The following WWOX variants were observed in gnomAD, a reference collection of about 807,000 sequenced individuals.
WWOX encodes the protein WW domain-containing oxidoreductase.
In WWOX, 69 loss-of-function variants were observed where a neutral mutation model predicts 46.2. The observed-to-expected ratio is 1.49, with a 90% confidence interval of 1.23 to 1.82. The LOEUF (loss-of-function observed/expected upper bound fraction) is 1.82. Among genes scored for constraint, WWOX ranks in the 40% most tolerant of loss-of-function variants. The pLI is 0.00. For synonymous variants in WWOX, 359 were observed against 202.6 expected (o/e 1.77, Z -6.56); for missense variants, 919 against 542.6 (o/e 1.69, Z -6.89).
intron 8 of WWOX, among the ~76,000 whole-genome samples, chr16:78,492,497 A>G (rs2084808230): frequency 6.6e-6 from 1 of 152,184 alleles, no homozygotes; most frequent in Admixed American, 6.5e-5. Context: ...AACGTACAGA[A>G]CACTCATTCA....
chr16:79,078,481 G>A (rs190988229), intron 8 of WWOX, among the ~76,000 whole-genome samples: 8 of 152,204 alleles, frequency 5.3e-5, no homozygotes, highest in Admixed American at 3.3e-4. Flanking sequence ...TGAATGCCAC[G>A]CAACATTTCT....
intron 4 of WWOX, among the ~76,000 whole-genome samples, chr16:78,152,117 GA>G (rs1343131800): frequency 6.6e-6 from 1 of 151,868 alleles, no homozygotes; most frequent in African/African-American, 2.4e-5. Flanking sequence ...GTGAACCCGG[GA>G]GGCGGAGCTT....
chr16:79,147,050 T>C (rs563480615), intron 8 of WWOX, among the ~76,000 whole-genome samples: 23 of 152,342 alleles, frequency 1.5e-4, no homozygotes, highest in African/African-American at 4.3e-4. Context: ...TGTTGACACT[T>C]ACAGAATCTA....
intron 8 of WWOX, among the ~76,000 whole-genome samples, chr16:78,620,271 A>G (rs1567442063): frequency 6.6e-6 from 1 of 152,236 alleles, no homozygotes; most frequent in South Asian, 2.1e-4. Context: ...GTTAAGGTAC[A>G]GAAGAGGATT....
At chr16:78,406,616 T>G (rs901888470) in intron 6 of WWOX, among the ~76,000 whole-genome samples, 20 of 149,342 alleles carry the variant, frequency 1.3e-4, no homozygotes, top group African/African-American at 5.0e-4. Flanking sequence ...TCCAAAGTGC[T>G]GGGATATACA....
chr16:78,862,344 C>G (rs1398415682), intron 8 of WWOX, among the ~76,000 whole-genome samples: 1 of 150,940 alleles, frequency 6.6e-6, no homozygotes, highest in East Asian at 1.9e-4. Flanking sequence ...ATTATATGTA[C>G]TAAATAATAT....
At chr16:78,467,985 G>C (rs893511797) in intron 8 of WWOX, among the ~76,000 whole-genome samples, 10 of 152,106 alleles carry the variant, frequency 6.6e-5, no homozygotes, top group Non-Finnish European at 1.3e-4. Context: ...GGGCAATCTT[G>C]GGGATGGGGG....
intron 8 of WWOX, among the ~76,000 whole-genome samples, chr16:79,023,165 A>C (rs563954869): frequency 1.3e-5 from 2 of 152,314 alleles, no homozygotes; most frequent in African/African-American, 4.8e-5. Flanking sequence ...ATATATGCAC[A>C]CACTTGACCT....
chr16:78,849,296 C>T (rs967906905), intron 8 of WWOX, among the ~76,000 whole-genome samples: 26 of 152,060 alleles, frequency 1.7e-4, no homozygotes, highest in African/African-American at 1.2e-4. Flanking sequence ...ACAGGCCGGG[C>T]GCGGTGGCTC....
chr16:78,896,379 G>C (rs1365693414), intron 8 of WWOX: 1 of 152,164 alleles, frequency 6.6e-6, no homozygotes, highest in Non-Finnish European at 1.5e-5. Flanking sequence ...TGGGACCACT[G>C]ATGGTAATAA....
intron 8 of WWOX, among the ~76,000 whole-genome samples, chr16:78,676,868 A>G (rs1441899699): frequency 1.3e-5 from 2 of 152,276 alleles, no homozygotes; most frequent in African/African-American, 4.8e-5. Flanking sequence ...GTATTGTTCC[A>G]TTTTTGAGTA....
At chr16:78,559,922 T>C (rs186459800) in intron 8 of WWOX, among the ~76,000 whole-genome samples, 2 of 152,332 alleles carry the variant, frequency 1.3e-5, no homozygotes, top group Admixed American at 1.3e-4. Flanking sequence ...GCAGAAAGCC[T>C]AGCTCCCCAG....
At chr16:78,714,630 C>G (rs1048479998) in intron 8 of WWOX, among the ~76,000 whole-genome samples, 3 of 152,136 alleles carry the variant, frequency 2.0e-5, no homozygotes, top group Non-Finnish European at 2.9e-5. Flanking sequence ...AGTGTGGAAG[C>G]AGAGTGTCCC....
intron 8 of WWOX, among the ~76,000 whole-genome samples, chr16:78,466,901 C>T (rs1047071218): frequency 2.0e-5 from 3 of 151,922 alleles, no homozygotes; most frequent in African/African-American, 4.8e-5. Context: ...ACAGTTGCAA[C>T]GTTGTAGCAT....
In WWOX at chr16:78,751,870, C is replaced by A. The variant is rs184417351; in HGVS notation, c.1056+319118C>A. Among the ~76,000 whole-genome samples the A allele has an allele frequency of 1.9e-3, 293 of 152,068 alleles. 2 individuals are homozygous for A. Among genetic ancestry groups the A allele is most frequent in the African/African-American group, 6.9e-3 (285 of 41,500 alleles). Reference sequence around the variant, plus strand: ...AGGGAAGGTAAGAAAGAAATTAATTCCCATTTTAGAGTAAGACTGGAGGCA... The same window carrying A: ...AGGGAAGGTAAGAAAGAAATTAATTACCATTTTAGAGTAAGACTGGAGGCA... On this transcript the variant is annotated intron_variant, in intron 8 of 8. Coordinates refer to ENST00000566780, the MANE Select transcript of WWOX (RefSeq NM_016373.4).
At chr16:78,533,200 CAG>C (rs912920335) in intron 8 of WWOX, among the ~76,000 whole-genome samples, 13 of 152,050 alleles carry the variant, frequency 8.5e-5, no homozygotes, top group Admixed American at 7.9e-4. Context: ...CAGTTGGGAA[CAG>C]AGTTGACGGA....
rs527794288 is a variant in WWOX, at chr16:78,762,845, G to A, written c.1056+330093G>A. Among the ~76,000 whole-genome samples, 14 of 152,236 alleles carry A rather than the reference G, an allele frequency of 9.2e-5. No individual in the cohort carries two copies. In the East Asian group the frequency reaches 2.3e-3, roughly 25 times the overall value. On this transcript the variant is annotated intron_variant, in intron 8 of 8. Transcript: ENST00000566780. ...AATCATAAAAGCACCTACTTGTTAA[G>A]GCATATTAAATGCAACGCTACTTTG...
intron 8 of WWOX, among the ~76,000 whole-genome samples, chr16:78,991,517 C>T (rs2046885942): frequency 6.8e-6 from 1 of 147,332 alleles, no homozygotes; most frequent in African/African-American, 2.5e-5. Context: ...GGGAAGATGG[C>T]TTGAGCCTGG....
intron 8 of WWOX, among the ~76,000 whole-genome samples, chr16:78,679,863 C>G (rs570051572): frequency 6.6e-6 from 1 of 152,192 alleles, no homozygotes; most frequent in Non-Finnish European, 1.5e-5. Context: ...TCATTGCTGC[C>G]GCATTTGCTT....
Sources: allele counts gnomAD v4.1 joint callset (sites outside exome capture counted in the v4.1 genomes callset), GRCh38; gene constraint gnomAD v4.1.1; transcripts MANE v1.5; gene names NCBI Gene and HGNC (gene_info 2026-07-23, HGNC 2026-07-21).